Variants in SSBP3 observed in about 807,000 individuals in gnomAD.
The protein encoded by SSBP3 is single-stranded DNA-binding protein 3.
Under a neutral mutation model 69.6 loss-of-function variants are expected in SSBP3, and 5 were observed. The ratio of observed to expected loss-of-function variants is 0.07; its 90% CI spans 0.04 to 0.15. SSBP3 has a LOEUF of 0.15. SSBP3 is among the 10% of genes least tolerant of loss of function. The pLI, the probability that SSBP3 is intolerant of heterozygous loss-of-function variation, is 1.00. For missense variants in SSBP3, 312 were observed against 534.0 expected (o/e 0.58, Z 4.10); for synonymous variants, 196 against 193.4 (o/e 1.01, Z -0.11).
At chr1:54,233,538 G>T in intron 14 of SSBP3, among the ~76,000 whole-genome samples, 1 of 145,728 alleles carries the variant, frequency 6.9e-6, no homozygotes, top group Non-Finnish European at 1.5e-5. Context: ...GAGGGAGGTG[G>T]GGGGGGTAAG....
intron 9 of SSBP3, among the ~76,000 whole-genome samples, chr1:54,246,515 AGAT>A (rs10532844): frequency 0.018 from 2,694 of 152,282 alleles, 72 homozygotes; most frequent in Admixed American, 0.063. Context: ...GGGTGAGAGG[AGAT>A]GATAAGCAGG....
chr1:54,323,468 C>T (rs569986300), intron 4 of SSBP3, among the ~76,000 whole-genome samples: 19 of 152,296 alleles, frequency 1.2e-4, no homozygotes, highest in Admixed American at 2.6e-4. Context: ...GAAGGAGGCT[C>T]CCCATCTTCC....
chr1:54,361,375 G>A (rs145894363), intron 4 of SSBP3, among the ~76,000 whole-genome samples: 219 of 152,188 alleles, frequency 1.4e-3, no homozygotes, highest in Non-Finnish European at 2.6e-3. Flanking sequence ...TCCCTTCTCA[G>A]GAAATTAAAC....
intron 4 of SSBP3, among the ~76,000 whole-genome samples, chr1:54,289,032 AAAAACAAAAAAAC>A (rs1420076682): frequency 0.094 from 5,553 of 59,190 alleles, 322 homozygotes; most frequent in African/African-American, 0.19. Context: ...AAAAAAAAAA[AAAAACAAAAAAAC>A]AAAAAAAAAA....
rs1354146005 is a variant in SSBP3, at chr1:54,316,657, A to T, written c.277-35130T>A. On this transcript the variant is annotated intron_variant, in intron 4 of 17. Transcript: ENST00000610401. ...AGCGAGACTCCGTCTCAAAAAAAAA[A>T]AATAAAATAAATAAATAAATAAATA... 1.1e-4 allele frequency among the ~76,000 whole-genome samples: 4 copies of T among 37,920 alleles called. 1 individual carries two copies. Among genetic ancestry groups the T allele is most frequent in the African/African-American group, 4.9e-4 (4 of 8,098 alleles). 24.9% of individuals were successfully genotyped at this position (37,920 alleles called of 152,430 possible).
rs1228356582 is a variant in SSBP3 at position 54,287,474 on chromosome 1, TGGA to T, written c.277-5950_277-5948del. 4 of 152,218 alleles carry T rather than the reference TGGA, an allele frequency of 2.6e-5. No individual in the cohort carries two copies. The East Asian group carries it at 7.7e-4, about 29-fold the overall frequency. The allele number at this position is 152,218 out of a possible 1,614,324, so 9.4% of individuals were successfully genotyped here. A position where few individuals can be genotyped will look rare whatever the true frequency, so the allele number is the denominator to read the frequency against. On this transcript the variant is annotated intron_variant, in intron 4 of 17. Transcript: ENST00000610401. Reference sequence around the variant, plus strand: ...GAGCCATGTGCTCAAAGCTGGGAAATGGAGGTCACTCAAGGGAGCTTGGGGCAC... The same window carrying T: ...GAGCCATGTGCTCAAAGCTGGGAAATGGTCACTCAAGGGAGCTTGGGGCAC...
intron 4 of SSBP3, among the ~76,000 whole-genome samples, chr1:54,381,093 A>G (rs1647597951): frequency 6.6e-6 from 1 of 152,032 alleles, no homozygotes; most frequent in South Asian, 2.1e-4. Context: ...ACTTTTAAAA[A>G]AGAGAGAGAG....
chr1:54,338,552 G>A (rs1286266336), intron 4 of SSBP3, among the ~76,000 whole-genome samples: 1 of 152,148 alleles, frequency 6.6e-6, no homozygotes, highest in South Asian at 2.1e-4. Context: ...ACTATTCAGG[G>A]TAACTGTCCG....
chr1:54,259,425 A>T (rs1407515757), intron 5 of SSBP3, among the ~76,000 whole-genome samples: 1 of 152,236 alleles, frequency 6.6e-6, no homozygotes, highest in Non-Finnish European at 1.5e-5. Flanking sequence ...GGTCACAGTC[A>T]GTAAGCGCGG....
chr1:54,282,424 T>A (rs1370066619), intron 4 of SSBP3, among the ~76,000 whole-genome samples: 3 of 152,214 alleles, frequency 2.0e-5, no homozygotes, highest in African/African-American at 7.2e-5. Context: ...AGGTGTCTCA[T>A]GAGAGAGAGG....
At chr1:54,352,840 C>A (rs1347735757) in intron 4 of SSBP3, among the ~76,000 whole-genome samples, 1 of 152,196 alleles carries the variant, frequency 6.6e-6, no homozygotes, top group African/African-American at 2.4e-5. Context: ...CACTCTAAAA[C>A]AGGATGACTA....
intron 4 of SSBP3, among the ~76,000 whole-genome samples, chr1:54,332,418 T>C (rs1381284202): frequency 6.6e-6 from 1 of 152,156 alleles, no homozygotes; most frequent in Non-Finnish European, 1.5e-5. Context: ...CCAGGAGACC[T>C]GAGTCTAGTC....
chr1:54,231,248 T>C (rs1345720104), intron 14 of SSBP3, among the ~76,000 whole-genome samples: 1 of 152,248 alleles, frequency 6.6e-6, no homozygotes, highest in Admixed American at 6.5e-5. Context: ...GGGTGTGAAG[T>C]GCCATCTCAC....
intron 4 of SSBP3, among the ~76,000 whole-genome samples, chr1:54,388,380 A>G (rs1049157977): frequency 6.6e-6 from 1 of 152,236 alleles, no homozygotes; most frequent in Non-Finnish European, 1.5e-5. Context: ...TGAGGTCATA[A>G]CAGCCCCTAT....
chr1:54,268,546 A>G (rs1258616598), intron 5 of SSBP3, among the ~76,000 whole-genome samples: 2 of 152,264 alleles, frequency 1.3e-5, no homozygotes, highest in Non-Finnish European at 2.9e-5. Context: ...CTTGGAAACC[A>G]CAAATCCAGA....
intron 5 of SSBP3, among the ~76,000 whole-genome samples, chr1:54,277,538 CA>C (rs1198458856): frequency 6.6e-6 from 1 of 152,212 alleles, no homozygotes; most frequent in Non-Finnish European, 1.5e-5. Context: ...TAACTTGGGG[CA>C]AGTCATTCAC....
At chr1:54,249,635 C>T (rs994164401) in intron 9 of SSBP3, among the ~76,000 whole-genome samples, 2 of 151,310 alleles carry the variant, frequency 1.3e-5, no homozygotes, top group Admixed American at 1.3e-4. Flanking sequence ...TGCACTCCAG[C>T]CTGGGTGACA....
chr1:54,257,267 T>C, intron 6 of SSBP3, 81 bp from the exon 7 acceptor site: 2 of 1,276,434 alleles, frequency 1.6e-6, no homozygotes, highest in South Asian at 1.5e-5. Context: ...CTCCACAAAG[T>C]CCAGTTTTGT....
chr1:54,390,180 G>A (rs1390686811), intron 4 of SSBP3, among the ~76,000 whole-genome samples: 1 of 152,150 alleles, frequency 6.6e-6, no homozygotes, highest in Admixed American at 6.5e-5. Flanking sequence ...TGCCTTTTAA[G>A]GGTCTGAACA....
Sources: allele counts gnomAD v4.1 joint callset (sites outside exome capture counted in the v4.1 genomes callset), GRCh38; gene constraint gnomAD v4.1.1; transcripts MANE v1.5; gene names NCBI Gene and HGNC (gene_info 2026-07-23, HGNC 2026-07-21).